Variants in CNTN5 observed in about 807,000 individuals in gnomAD.
The protein encoded by CNTN5 is contactin-5.
CNTN5 carries 77 observed loss-of-function variants against 129.1 expected under a neutral mutation model. The observed-to-expected ratio is 0.60, with a 90% CI of 0.50 to 0.72. The LOEUF is 0.72. CNTN5 is among the 30% of genes least tolerant of loss of function. The pLI, the probability that CNTN5 is intolerant of heterozygous loss-of-function variation, is 0.00. For missense variants in CNTN5, 1,478 were observed against 1,328.8 expected (o/e 1.11, Z -1.75); for synonymous variants, 509 against 465.6 (o/e 1.09, Z -1.20).
In CNTN5 at chr11:99,068,918, TAAATGGA is replaced by T. The variant is rs1865218046; in HGVS notation, c.-210+47650_-210+47656del. ...TTTAGAACATGTGACCTTAAGTGAA[TAAATGGA>T]AGAGGAAATCTCCCTGACTCTTTTT... is the stretch of plus-strand genomic sequence containing the variant. On this transcript the variant is annotated intron_variant, in intron 1 of 24. Transcript: ENST00000524871. 2.0e-5 allele frequency among the ~76,000 whole-genome samples: 3 copies of T among 152,088 alleles called. No individual in the cohort carries two copies. The South Asian group carries it at 6.2e-4, about 31-fold the overall frequency.
At chr11:100,039,282 T>C (rs1049849140) in intron 9 of CNTN5, among the ~76,000 whole-genome samples, 1 of 152,210 alleles carries the variant, frequency 6.6e-6, no homozygotes, top group Admixed American at 6.5e-5. Flanking sequence ...TCTTTAAGAA[T>C]GTTGAATATT....
intron 1 of CNTN5, among the ~76,000 whole-genome samples, chr11:99,045,684 TA>T (rs2135154600): frequency 6.6e-6 from 1 of 152,318 alleles, no homozygotes; most frequent in South Asian, 2.1e-4. Flanking sequence ...CTCCTAATCT[TA>T]ATAGATTGCA....
chr11:100,150,531 T>TATAA (rs1429762693), intron 13 of CNTN5, among the ~76,000 whole-genome samples: 1 of 152,006 alleles, frequency 6.6e-6, no homozygotes, highest in South Asian at 2.1e-4. Flanking sequence ...TCAGTTAATC[T>TATAA]ATAAATATTT....
At position 100,147,638 on chromosome 11, in the gene CNTN5, T is replaced by TTG. The variant is rs373305273; in HGVS notation, c.1581-43472_1581-43471dup. On this transcript the variant is annotated intron_variant, in intron 13 of 24. Transcript: ENST00000524871. ...TTTTTGTCAAAAAAAATGCGTGTAT[T>TTG]TGTGTGTGTGTGTGTGTATCCTTTA... Among the ~76,000 whole-genome samples, 211 of 151,314 alleles carry TTG rather than the reference T, an allele frequency of 1.4e-3. 1 individual carries two copies. Among genetic ancestry groups the TTG allele is most frequent in the African/African-American group, 2.9e-3 (119 of 41,280 alleles).
At chr11:99,987,480 T>C (rs367588755) in intron 8 of CNTN5, among the ~76,000 whole-genome samples, 6 of 150,670 alleles carry the variant, frequency 4.0e-5, no homozygotes, top group African/African-American at 1.5e-4. Flanking sequence ...TTTCTCCATA[T>C]GTGTATATAT....
chr11:99,228,758 T>C (rs1284321040), intron 1 of CNTN5, among the ~76,000 whole-genome samples: 5 of 152,096 alleles, frequency 3.3e-5, no homozygotes, highest in Non-Finnish European at 5.9e-5. Flanking sequence ...TTTTTAATAC[T>C]GGTATTTTGA....
At chr11:99,435,544 C>T (rs1369017167) in intron 2 of CNTN5, among the ~76,000 whole-genome samples, 5 of 152,176 alleles carry the variant, frequency 3.3e-5, no homozygotes, top group African/African-American at 7.2e-5. Context: ...CTAACCACAT[C>T]TGGTTACATG....
chr11:99,946,999 A>C (rs1950566882), intron 7 of CNTN5, among the ~76,000 whole-genome samples: 1 of 148,072 alleles, frequency 6.8e-6, no homozygotes, highest in Admixed American at 6.8e-5. Context: ...TTAATATATA[A>C]GCATGATTCT....
chr11:100,052,262 T>G (rs1591138022), intron 9 of CNTN5, among the ~76,000 whole-genome samples: 1 of 151,828 alleles, frequency 6.6e-6, no homozygotes. Context: ...AAGTCAATAT[T>G]CAGCATCGTA....
intron 2 of CNTN5, among the ~76,000 whole-genome samples, chr11:99,433,180 C>T (rs1943459484): frequency 6.6e-6 from 1 of 152,046 alleles, no homozygotes; most frequent in Non-Finnish European, 1.5e-5. Flanking sequence ...GTAGAGAAAA[C>T]ATGACTGCTT....
At chr11:99,583,336 TAC>T (rs1414551465) in intron 3 of CNTN5, among the ~76,000 whole-genome samples, 1 of 152,210 alleles carries the variant, frequency 6.6e-6, no homozygotes, top group Non-Finnish European at 1.5e-5. Flanking sequence ...GGAGTACCAC[TAC>T]TCTCTTCAAA....
intron 2 of CNTN5, among the ~76,000 whole-genome samples, chr11:99,386,125 T>C (rs1300530628): frequency 1.3e-5 from 2 of 152,144 alleles, no homozygotes; most frequent in African/African-American, 2.4e-5. Context: ...GGAGTTAGGA[T>C]TGCTCTTATT....
At chr11:100,283,349 G>A (rs1471189970) in intron 18 of CNTN5, among the ~76,000 whole-genome samples, 1 of 152,162 alleles carries the variant, frequency 6.6e-6, no homozygotes, top group Non-Finnish European at 1.5e-5. Flanking sequence ...CCTAAAGTGG[G>A]AGGAAGGTAT....
chr11:99,058,217 C>G (rs759546057), intron 1 of CNTN5, among the ~76,000 whole-genome samples: 1 of 151,906 alleles, frequency 6.6e-6, no homozygotes, highest in African/African-American at 2.4e-5. Context: ...GTAGCTCAAC[C>G]CTTTGGAAAG....
At chr11:99,298,484 T>G (rs190197686) in intron 1 of CNTN5, among the ~76,000 whole-genome samples, 3 of 152,284 alleles carry the variant, frequency 2.0e-5, no homozygotes, top group African/African-American at 7.2e-5. Context: ...TGCATACTAT[T>G]AAGATAGGTT....
intron 1 of CNTN5, among the ~76,000 whole-genome samples, chr11:99,040,766 T>C (rs536924564): frequency 6.6e-6 from 1 of 152,286 alleles, no homozygotes; most frequent in Admixed American, 6.5e-5. Context: ...GCAATATCAA[T>C]TTTTAAATGT....
intron 3 of CNTN5, among the ~76,000 whole-genome samples, chr11:99,631,283 C>T (rs903847048): frequency 6.6e-6 from 1 of 151,964 alleles, no homozygotes; most frequent in African/African-American, 2.4e-5. Context: ...ATTCCTCTTA[C>T]CTTAAATAAC....
At chr11:99,528,144 A>G (rs2135459566) in intron 2 of CNTN5, among the ~76,000 whole-genome samples, 1 of 152,318 alleles carries the variant, frequency 6.6e-6, no homozygotes, top group East Asian at 1.9e-4. Context: ...GAAAGATCAA[A>G]ATCCTGAAAC....
chr11:99,691,991 G>A (rs1278181611), intron 3 of CNTN5, among the ~76,000 whole-genome samples: 2 of 152,094 alleles, frequency 1.3e-5, no homozygotes, highest in Non-Finnish European at 2.9e-5. Context: ...TTTACCATTT[G>A]TAATGCCCTT....
Sources: gnomAD v4.1 joint callset for allele counts (sites outside exome capture counted in the v4.1 genomes callset) on GRCh38, gnomAD v4.1.1 for gene constraint, MANE v1.5 for transcripts, NCBI Gene and HGNC (gene_info 2026-07-23, HGNC 2026-07-21) for gene names.